SGPL1: variants seen among roughly 807,000 people sequenced by gnomAD.
The protein encoded by SGPL1 is SP-lyase 1.
A neutral mutation model predicts 68.9 loss-of-function variants in SGPL1; 37 were observed. The observed-to-expected ratio is 0.54, with a 90% CI of 0.41 to 0.71. The LOEUF (loss-of-function observed/expected upper bound fraction) is 0.71, where lower values mean the gene tolerates loss of function less well. SGPL1 is among the 30% of genes least tolerant of loss of function. The pLI, the probability that SGPL1 is intolerant of heterozygous loss-of-function variation, is 0.00. For synonymous variants in SGPL1, 236 were observed against 248.5 expected (o/e 0.95, Z 0.47); for missense variants, 551 against 704.6 (o/e 0.78, Z 2.47).
chr10:70,851,239 T>C, intron 4 of SGPL1, 29 bp downstream of exon 4: 1 of 1,541,534 alleles, frequency 6.5e-7, no homozygotes, highest in Non-Finnish European at 9.0e-7. Context: ...TGTCATTTTT[T>C]CCCCTCTTGA....
intron 12 of SGPL1, 116 bp from the exon 13 acceptor site, chr10:70,875,286 A>G: frequency 1.5e-6 from 1 of 654,562 alleles, no homozygotes; most frequent in Non-Finnish European, 2.6e-6. Flanking sequence ...TAAAGCCCAA[A>G]GGGTTAGATT....
intron 7 of SGPL1, among the ~76,000 whole-genome samples, chr10:70,865,121 C>A (rs1275870790): frequency 6.6e-6 from 1 of 152,130 alleles, no homozygotes; most frequent in Non-Finnish European, 1.5e-5. Flanking sequence ...AAGGAAAATT[C>A]TCAGGATTTT....
intron 3 of SGPL1, among the ~76,000 whole-genome samples, chr10:70,846,559 C>A (rs116922782): frequency 7.1e-4 from 108 of 152,244 alleles, no homozygotes; most frequent in Non-Finnish European, 9.1e-4. Context: ...CCCACTGGAA[C>A]TCCATTTTAA....
intron 2 of SGPL1, among the ~76,000 whole-genome samples, chr10:70,827,036 G>A (rs977296768): frequency 1.3e-5 from 2 of 152,096 alleles, no homozygotes; most frequent in Admixed American, 1.3e-4. Flanking sequence ...GTTTTTCTGG[G>A]ATTTGTGCCT....
intron 1 of SGPL1, among the ~76,000 whole-genome samples, chr10:70,816,431 C>G (rs929205383): frequency 1.3e-5 from 2 of 152,128 alleles, no homozygotes; most frequent in Admixed American, 6.5e-5. Flanking sequence ...AGAGCGAGGC[C>G]GTGCTGATTC....
Position 70,879,379 on chromosome 10 carries a change from ATGTG to A in SGPL1, c.*2066_*2069del, listed in dbSNP as rs34643236. The A allele has an allele frequency of 0.011, 1,652 of 149,506 alleles. 17 individuals are homozygous for A. The highest frequency in any genetic ancestry group is 0.032 in the African/African-American group (1,320 of 40,890). 9.3% of individuals were successfully genotyped at this position (149,506 alleles called of 1,614,324 possible). A position where few individuals can be genotyped will look rare whatever the true frequency, so the allele number is the denominator to read the frequency against. ...GCCATTCAGGGCTGGTGTGGCATTTATGTGTGTGTGTGTGTGTGTGTGTGTTTTT... is the reference window on the plus strand; with the variant it reads ...GCCATTCAGGGCTGGTGTGGCATTTATGTGTGTGTGTGTGTGTGTGTTTTT... On this transcript the variant is annotated 3_prime_UTR_variant, in exon 15 of 15. Transcript: ENST00000373202.
At position 70,873,698 on chromosome 10, in the gene SGPL1, C is replaced by T. The variant is rs148367605; in HGVS notation, c.1298+109C>T. On this transcript the variant is annotated intron_variant, in intron 12 of 14. Transcript: ENST00000373202. ...ATAGCCCTAGCCCACCTGTTGTCTC[C>T]TGCGATATAGAGGGCTTAGGGCAGC... is the stretch of plus-strand genomic sequence containing the variant. The T allele has an allele frequency of 1.9e-4, 160 of 834,222 alleles. 1 individual carries two copies. The African/African-American group carries it at 2.2e-3, about 12-fold the overall frequency. The allele number at this position is 834,222 out of a possible 1,614,324, so 51.7% of individuals were successfully genotyped here.
At chr10:70,856,739 C>G (rs1336249985) in intron 5 of SGPL1, among the ~76,000 whole-genome samples, 1 of 152,204 alleles carries the variant, frequency 6.6e-6, no homozygotes, top group Non-Finnish European at 1.5e-5. Flanking sequence ...TTGGAGAGCC[C>G]TTGGCTCCAT....
At chr10:70,857,987 CAG>C (rs779364100) in intron 6 of SGPL1, among the ~76,000 whole-genome samples, 53 of 152,136 alleles carry the variant, frequency 3.5e-4, no homozygotes, top group Non-Finnish European at 6.5e-4. Context: ...TGTGGTGAGA[CAG>C]ATTTTGTTTG....
intron 4 of SGPL1, among the ~76,000 whole-genome samples, chr10:70,851,571 C>G (rs907952103): frequency 6.6e-6 from 1 of 152,030 alleles, no homozygotes; most frequent in Admixed American, 6.6e-5. Context: ...AGATGAGAAG[C>G]CTGTTAAGGA....
rs1404057829 is a variant in SGPL1 at position 70,881,162 on chromosome 10, CTATT to C, written c.*3833_*3836del. Reference sequence around the variant, plus strand: ...TATTTGGATTAATTTTAGAATAAACCTATTTATTTCTAAAAAAAAAAAGAAAAGA... The same window carrying C: ...TATTTGGATTAATTTTAGAATAAACCTATTTCTAAAAAAAAAAAGAAAAGA... On this transcript the variant is annotated 3_prime_UTR_variant, in exon 15 of 15. Coordinates refer to ENST00000373202, the MANE Select transcript of SGPL1 (RefSeq NM_003901.4). 1.3e-5 allele frequency: 2 copies of C among 151,528 alleles called. No individual in the cohort carries two copies. The highest frequency in any genetic ancestry group is 4.9e-5 in the African/African-American group (2 of 41,152). The allele number at this position is 151,528 out of a possible 1,614,324, so 9.4% of individuals were successfully genotyped here.
intron 14 of SGPL1, 115 bp from the exon 15 acceptor site, chr10:70,877,080 G>A (rs1485213674): frequency 1.7e-5 from 17 of 974,690 alleles, no homozygotes; most frequent in Non-Finnish European, 2.5e-5. Context: ...TGGAAATGGG[G>A]TAGGGCAGTG....
rs781074296 is a variant in SGPL1 at position 70,851,178 on chromosome 10, C to T, written c.229C>T (p.Leu77Phe). 1 of 1,613,780 alleles carries T rather than the reference C, an allele frequency of 6.2e-7. No homozygotes were observed. The change falls in exon 4 of 15, where the codon CTC becomes TTC. Residue 77 changes from leucine (L) to phenylalanine (F), a missense_variant. Leu to Phe is a conservative substitution (Grantham distance 22). Coordinates refer to ENST00000373202, the MANE Select transcript of SGPL1 (RefSeq NM_003901.4). The stretch of plus-strand genomic sequence containing the variant: ...AAGGTTTAAAAAGAAATGTTTTAAG[C>T]TCACCAGGAAGATGCCCATTATTGG... ...WSRFKKKCFKLTRKMPIIGRK... is the reference protein window; with the variant it reads ...WSRFKKKCFKFTRKMPIIGRK...
intron 2 of SGPL1, among the ~76,000 whole-genome samples, chr10:70,826,550 A>G (rs564208355): frequency 3.3e-5 from 5 of 152,366 alleles, no homozygotes; most frequent in Middle Eastern, 3.4e-3. Flanking sequence ...TAGAAAGCAC[A>G]TATCTACATT....
intron 2 of SGPL1, chr10:70,820,057 G>A (rs1261738886): frequency 1.3e-5 from 2 of 152,196 alleles, no homozygotes; most frequent in Non-Finnish European, 2.9e-5. Context: ...ACAATACAAG[G>A]TGGATTCAGG....
At chr10:70,845,397 C>T (rs79658471) in intron 3 of SGPL1, among the ~76,000 whole-genome samples, 10,640 of 152,176 alleles carry the variant, frequency 0.07, 486 homozygotes, top group African/African-American at 0.1. Context: ...CAGGCACTGC[C>T]ATCAGGCTGT....
intron 2 of SGPL1, among the ~76,000 whole-genome samples, chr10:70,835,783 A>G (rs1291389916): frequency 6.6e-6 from 1 of 151,956 alleles, no homozygotes; most frequent in African/African-American, 2.4e-5. Context: ...GTACAGGAGA[A>G]TGAAGGGAAA....
chr10:70,862,029 C>T (rs1033358268), intron 7 of SGPL1, among the ~76,000 whole-genome samples: 9 of 152,244 alleles, frequency 5.9e-5, no homozygotes, highest in South Asian at 4.1e-4. Context: ...GGAGTGCAGG[C>T]GCACAGCGCA....
Position 70,880,209 on chromosome 10 carries a change from C to T in SGPL1, c.*2874C>T, listed in dbSNP as rs901888833. The T allele has an allele frequency of 6.6e-6, 1 of 152,382 alleles. No individual in the cohort carries two copies. The highest frequency in any genetic ancestry group is 1.5e-5 in the Non-Finnish European group (1 of 68,032). The allele number at this position is 152,382 out of a possible 1,614,324, so 9.4% of individuals were successfully genotyped here. On this transcript the variant is annotated 3_prime_UTR_variant, in exon 15 of 15. Transcript: ENST00000373202. ...GAATGGGCTCCTGGTGAGAGATTGC[C>T]CCCTGGTGGTGAAACAATCGTGTGT... is the stretch of plus-strand genomic sequence containing the variant.
Sources: gnomAD v4.1 joint callset for allele counts (sites outside exome capture counted in the v4.1 genomes callset) on GRCh38, gnomAD v4.1.1 for gene constraint, MANE v1.5 for transcripts, NCBI Gene and HGNC (gene_info 2026-07-23, HGNC 2026-07-21) for gene names.